The following PRELID2 variants were observed in gnomAD, a reference collection of about 807,000 sequenced individuals.
The protein encoded by PRELID2 is PRELI domain-containing protein 2.
In PRELID2, 25 loss-of-function variants were observed where a neutral mutation model predicts 28.4. The ratio of observed to expected loss-of-function variants is 0.88; its 90% CI spans 0.64 to 1.23. PRELID2 has a LOEUF of 1.23. PRELID2 is among the 50% of genes most tolerant of loss of function. The pLI is 0.00. For synonymous variants in PRELID2, 76 were observed against 71.6 expected, an observed-to-expected ratio of 1.06 and a Z score of -0.31; for missense variants, 201 against 214.4, an observed-to-expected ratio of 0.94 and a Z score of 0.39.
chr5:145,728,483 T>C (rs746718254), intron 1 of PRELID2: 6 of 669,910 alleles, frequency 9.0e-6, no homozygotes, highest in Non-Finnish European at 1.6e-5. Context: ...GGAAGTGTTC[T>C]CCCCTCCCAA....
intron 1 of PRELID2, among the ~76,000 whole-genome samples, chr5:145,678,795 T>G (rs139888149): frequency 1.4e-3 from 206 of 152,278 alleles, no homozygotes; most frequent in African/African-American, 4.8e-3. Context: ...TAATACTTCC[T>G]TTGTAAGATG....
At chr5:145,312,245 T>C in the PRELID2 span, among the ~76,000 whole-genome samples, 306 of 151,528 alleles carry the variant, frequency 2.0e-3, 4 homozygotes, top group African/African-American at 7.0e-3. Context: ...TTCTAACTAC[T>C]AGAGAGGCTG....
chr5:145,830,512 C>A (rs903790406), intron 1 of PRELID2, among the ~76,000 whole-genome samples: 1 of 152,182 alleles, frequency 6.6e-6, no homozygotes, highest in African/African-American at 2.4e-5. Context: ...ATCTATGCAA[C>A]TTTGTGTTCT....
In PRELID2 at chr5:145,565,403, G is replaced by T. The variant is rs142439493; in HGVS notation, n.71-92088C>A. ...TTGCTGCATCAAACCAAGTGTCTTT[G>T]CTGCCAACTTGAATAGGTAAATATT... On this transcript the variant is annotated intron_variant and non_coding_transcript_variant, in intron 1 of 2. Transcript: ENST00000510259. Among the ~76,000 whole-genome samples, 7 of 152,316 alleles carry T rather than the reference G, an allele frequency of 4.6e-5. No individual in the cohort carries two copies. In the East Asian group the frequency reaches 1.4e-3, roughly 29 times the overall value.
At chr5:145,521,241 G>A (rs1580966667) in intron 1 of PRELID2, among the ~76,000 whole-genome samples, 1 of 152,148 alleles carries the variant, frequency 6.6e-6, no homozygotes, top group Non-Finnish European at 1.5e-5. Flanking sequence ...GCACAGTGGG[G>A]AGCTAAAATG....
chr5:145,525,132 A>G (rs1214339339), intron 1 of PRELID2, among the ~76,000 whole-genome samples: 1 of 152,184 alleles, frequency 6.6e-6, no homozygotes, highest in Non-Finnish European at 1.5e-5. Flanking sequence ...TATTATTTCA[A>G]TATGTTCACA....
At chr5:145,525,090 T>C (rs889922711) in intron 1 of PRELID2, among the ~76,000 whole-genome samples, 1 of 152,234 alleles carries the variant, frequency 6.6e-6, no homozygotes, top group African/African-American at 2.4e-5. Context: ...CATTGGGCTG[T>C]GTTATCTCAT....
chr5:145,713,891 T>A (rs1441280482), intron 1 of PRELID2, among the ~76,000 whole-genome samples: 4 of 151,560 alleles, frequency 2.6e-5, no homozygotes, highest in Non-Finnish European at 5.9e-5. Flanking sequence ...AACCTGTCTA[T>A]ATTCAGTGAA....
At chr5:145,548,581 G>C (rs1346229246) in intron 1 of PRELID2, among the ~76,000 whole-genome samples, 1 of 152,076 alleles carries the variant, frequency 6.6e-6, no homozygotes, top group Non-Finnish European at 1.5e-5. Flanking sequence ...GCCAGTGCCA[G>C]AGATCTGGGC....
In PRELID2 at chr5:145,759,339, C is replaced by A. The variant is rs1398734072; in HGVS notation, c.*1197G>T. 6.6e-6 allele frequency: 1 copy of A among 152,138 alleles called. No individual in the cohort carries two copies. Among genetic ancestry groups the A allele is most frequent in the Non-Finnish European group, 1.5e-5 (1 of 68,028 alleles). 9.4% of individuals were successfully genotyped at this position (152,138 alleles called of 1,614,324 possible). On this transcript the variant is annotated 3_prime_UTR_variant, in exon 7 of 7. Transcript: ENST00000683046. ...TAAGAAGATGAATTTCAAATTATTA[C>A]CTCTCTTCAAGATTTTTTAGGTAGT...
At chr5:145,834,619 C>T (rs1244441114) in intron 1 of PRELID2, 4 of 152,232 alleles carry the variant, frequency 2.6e-5, no homozygotes, top group African/African-American at 9.7e-5. Flanking sequence ...TAGGTCACAA[C>T]TGTGCTAAGC....
chr5:145,272,876 C>A, the PRELID2 span, among the ~76,000 whole-genome samples: 1 of 152,034 alleles, frequency 6.6e-6, no homozygotes, highest in Non-Finnish European at 1.5e-5. Context: ...GAAGACCTCA[C>A]AAATGGAAAG....
At chr5:145,754,796 C>T (rs938481423), downstream of PRELID2, among the ~76,000 whole-genome samples, 2 of 152,106 alleles carry the variant, frequency 1.3e-5, no homozygotes, top group African/African-American at 4.8e-5. Context: ...TGAAGATGAA[C>T]CCTACAGTGG....
At chr5:145,834,046 A>T (rs1755776347) in intron 1 of PRELID2, among the ~76,000 whole-genome samples, 1 of 152,162 alleles carries the variant, frequency 6.6e-6, no homozygotes. Flanking sequence ...TTTTCCTATT[A>T]TCAGGACCCA....
intron 1 of PRELID2, among the ~76,000 whole-genome samples, chr5:145,688,257 A>G (rs1209421311): frequency 6.6e-6 from 1 of 152,218 alleles, no homozygotes; most frequent in East Asian, 1.9e-4. Context: ...GTTGCCCTCC[A>G]GTCTGACTTT....
chr5:145,274,377 G>A, the PRELID2 span, among the ~76,000 whole-genome samples: 3 of 152,154 alleles, frequency 2.0e-5, no homozygotes, highest in African/African-American at 7.2e-5. Context: ...CTGATTAAAT[G>A]ATAATTTTCT....
chr5:145,762,524 A>T (rs1448409919), intron 6 of PRELID2, among the ~76,000 whole-genome samples: 1 of 152,200 alleles, frequency 6.6e-6, no homozygotes, highest in Non-Finnish European at 1.5e-5. Context: ...GCAACAGAAC[A>T]GTGAGACCAT....
chr5:145,382,840 A>T, the PRELID2 span, among the ~76,000 whole-genome samples: 1 of 151,910 alleles, frequency 6.6e-6, no homozygotes, highest in African/African-American at 2.4e-5. Flanking sequence ...AAACTTGTAC[A>T]TGTACCTCCA....
chr5:145,324,186 G>A, the PRELID2 span, among the ~76,000 whole-genome samples: 1 of 152,162 alleles, frequency 6.6e-6, no homozygotes, highest in South Asian at 2.1e-4. Context: ...TTCATTTAAG[G>A]TATGTATAAG....
Sources: gnomAD v4.1 joint callset for allele counts (sites outside exome capture counted in the v4.1 genomes callset) on GRCh38, gnomAD v4.1.1 for gene constraint, MANE v1.5 for transcripts, NCBI Gene and HGNC (gene_info 2026-07-23, HGNC 2026-07-21) for gene names.